WDR93: variants seen among roughly 807,000 people sequenced by gnomAD.
WDR93 encodes WD repeat-containing protein 93.
In WDR93, 73 loss-of-function variants were observed where a neutral mutation model predicts 82.9. The observed-to-expected ratio is 0.88, with a 90% confidence interval of 0.73 to 1.07. The LOEUF (loss-of-function observed/expected upper bound fraction) is 1.07, where lower values mean the gene tolerates loss of function less well. Ranked by LOEUF, WDR93 falls within the 50% of genes least tolerant of loss-of-function variation. WDR93 has a pLI of 0.00. For synonymous variants in WDR93, 283 were observed against 300.1 expected, an observed-to-expected ratio of 0.94 and a Z score of 0.59; for missense variants, 738 against 826.0, an observed-to-expected ratio of 0.89 and a Z score of 1.31.
At chr15:89,701,336 C>G (rs1333035423) in intron 1 of WDR93, among the ~76,000 whole-genome samples, 1 of 152,068 alleles carries the variant, frequency 6.6e-6, no homozygotes, top group Admixed American at 6.6e-5. Context: ...GGCTCACTGC[C>G]CACCTGGCTT....
chr15:89,708,446 C>T (rs557594172), intron 4 of WDR93, among the ~76,000 whole-genome samples: 1 of 152,216 alleles, frequency 6.6e-6, no homozygotes, highest in South Asian at 2.1e-4. Context: ...CTCTAGTCAC[C>T]ATCACCACTA....
intron 7 of WDR93, 96 bp downstream of exon 7, chr15:89,717,045 C>CT (rs11457156): frequency 0.23 from 39,802 of 170,932 alleles, 3,341 homozygotes; most frequent in African/African-American, 0.35. Context: ...CTTTTTCTTT[C>CT]TTTTTTTTTT....
intron 11 of WDR93, among the ~76,000 whole-genome samples, chr15:89,730,133 T>A (rs1428094087): frequency 6.6e-6 from 1 of 152,154 alleles, no homozygotes; most frequent in African/African-American, 2.4e-5. Context: ...AAGACCAGCC[T>A]GGCCAACATG....
At chr15:89,716,102 T>C (rs1036946367) in intron 6 of WDR93, among the ~76,000 whole-genome samples, 2 of 152,222 alleles carry the variant, frequency 1.3e-5, no homozygotes, top group South Asian at 2.1e-4. Context: ...ACTGCTGAGC[T>C]CAAGTGGCTT....
Position 89,720,072 on chromosome 15 carries a change from T to G in WDR93, c.796-1983T>G, listed in dbSNP as rs552225724. ...CCTCAGCCTCCCAAAGTGTTGGGAT[T>G]ATAGGCCTGAGCACTGGGCCCAGCT... On this transcript the variant is annotated intron_variant, in intron 7 of 16. Transcript: ENST00000268130. 4.5e-4 allele frequency among the ~76,000 whole-genome samples: 69 copies of G among 152,144 alleles called. 2 individuals are homozygous for G. The South Asian group carries it at 8.7e-3, about 19-fold the overall frequency.
chr15:89,722,160 T>G, intron 8 of WDR93, 21 bp downstream of exon 8: 1 of 1,518,546 alleles, frequency 6.6e-7, no homozygotes, highest in Non-Finnish European at 9.0e-7. Flanking sequence ...TTCAAATCTC[T>G]CTCCTTTTGC....
At chr15:89,716,706 C>T (rs1350336095) in intron 6 of WDR93, among the ~76,000 whole-genome samples, 1 of 152,190 alleles carries the variant, frequency 6.6e-6, no homozygotes, top group East Asian at 1.9e-4. Flanking sequence ...GTTTCCCCAC[C>T]TACCTTTTAA....
At chr15:89,714,848 A>G (rs1966171109) in intron 5 of WDR93, 132 bp from the exon 6 acceptor site, 1 of 656,330 alleles carries the variant, frequency 1.5e-6, no homozygotes, top group Non-Finnish European at 2.6e-6. Flanking sequence ...CTCCTTCAGT[A>G]TGTCAAAGTT....
intron 7 of WDR93, among the ~76,000 whole-genome samples, chr15:89,717,484 C>T (rs533486810): frequency 6.6e-6 from 1 of 152,300 alleles, no homozygotes; most frequent in Non-Finnish European, 1.5e-5. Context: ...TGAAGATGAC[C>T]TCCCGTCCCT....
At chr15:89,738,297 A>G in intron 16 of WDR93, 61 bp downstream of exon 16, 2 of 1,489,298 alleles carry the variant, frequency 1.3e-6, no homozygotes, top group Non-Finnish European at 1.8e-6. Flanking sequence ...ATTGAGGGAT[A>G]GTGGAGTTTC....
At chr15:89,722,945 C>G (rs943720998) in intron 8 of WDR93, among the ~76,000 whole-genome samples, 2 of 152,056 alleles carry the variant, frequency 1.3e-5, no homozygotes, top group East Asian at 1.9e-4. Flanking sequence ...CGGCTCGTGC[C>G]TATAATCCTA....
intron 7 of WDR93, among the ~76,000 whole-genome samples, chr15:89,720,629 TGGCTTTTTTTATG>T (rs763730294): frequency 1.1e-4 from 16 of 152,256 alleles, no homozygotes; most frequent in Admixed American, 2.0e-4. Context: ...ATGTTACAGC[TGGCTTTTTTTATG>T]GGCTTCTCAT....
rs181404997 is a variant in WDR93, at chr15:89,699,816, A to G, written c.-40-1891A>G. ...AAAAGCTCAATATGGATTTAGAAAG[A>G]TATAGATATAACAGTTACAGCTTTA... On this transcript the variant is annotated intron_variant, in intron 1 of 16. Coordinates refer to ENST00000268130, the MANE Select transcript of WDR93 (RefSeq NM_020212.2). Among the ~76,000 whole-genome samples the G allele has an allele frequency of 2.3e-3, 348 of 152,322 alleles. 2 individuals are homozygous for G. The South Asian group carries it at 0.025, about 11-fold the overall frequency.
intron 4 of WDR93, 31 bp from the exon 5 acceptor site, chr15:89,711,995 C>A: frequency 6.4e-7 from 1 of 1,573,552 alleles, no homozygotes; most frequent in Non-Finnish European, 8.7e-7. Context: ...GCAGGCTATG[C>A]CTACTCTATC....
upstream of WDR93, chr15:89,690,658 C>T (rs1304453295): frequency 1.3e-6 from 2 of 1,541,998 alleles, no homozygotes; most frequent in Non-Finnish European, 1.8e-6. Context: ...GGCCACGAGT[C>T]GCACGGGGCT....
At chr15:89,732,794 T>C (rs1350045585) in intron 12 of WDR93, among the ~76,000 whole-genome samples, 6 of 152,036 alleles carry the variant, frequency 3.9e-5, no homozygotes, top group Admixed American at 1.3e-4. Flanking sequence ...CCCTCCCCAA[T>C]TCCTCTCCAG....
At chr15:89,726,874 C>A (rs138701054) in intron 8 of WDR93, among the ~76,000 whole-genome samples, 1 of 152,144 alleles carries the variant, frequency 6.6e-6, no homozygotes, top group Non-Finnish European at 1.5e-5. Flanking sequence ...GCCCCCCACA[C>A]CCTGGCCTTT....
At chr15:89,704,411 CTG>C (rs1196231944) in intron 3 of WDR93, 1 of 152,132 alleles carries the variant, frequency 6.6e-6, no homozygotes, top group Non-Finnish European at 1.5e-5. Context: ...CAAAGAAACT[CTG>C]TACTATTTTT....
At chr15:89,724,044 CA>C (rs950707238) in intron 8 of WDR93, among the ~76,000 whole-genome samples, 2 of 151,058 alleles carry the variant, frequency 1.3e-5, no homozygotes, top group South Asian at 4.2e-4. Context: ...CTAGAAATAC[CA>C]AAAAAAAATA....
Sources: gnomAD v4.1 joint callset for allele counts (sites outside exome capture counted in the v4.1 genomes callset) on GRCh38, gnomAD v4.1.1 for gene constraint, MANE v1.5 for transcripts, NCBI Gene and HGNC (gene_info 2026-07-23, HGNC 2026-07-21) for gene names.